PFKP: variants seen among roughly 807,000 people sequenced by gnomAD.
PFKP encodes the protein phosphofructokinase, platelet.
Under a neutral mutation model 94.3 loss-of-function variants are expected in PFKP, and 101 were observed. The ratio of observed to expected loss-of-function variants is 1.07; its 90% CI spans 0.91 to 1.26. The LOEUF is 1.26. PFKP is among the 50% of genes most tolerant of loss of function. The pLI is 0.00. For synonymous variants in PFKP, 573 were observed against 432.6 expected (o/e 1.32, Z -4.03); for missense variants, 1,145 against 1,103.3 (o/e 1.04, Z -0.53).
At chr10:3,116,750 TGTTTC>T (rs764838981) in intron 13 of PFKP, 21 bp from the exon 14 acceptor site, 1 of 1,581,624 alleles carries the variant, frequency 6.3e-7, no homozygotes, top group Non-Finnish European at 8.7e-7. Context: ...TCACTTTAGC[TGTTTC>T]GTTCTGTGTT....
intron 4 of PFKP, among the ~76,000 whole-genome samples, chr10:3,102,263 A>C (rs1364378571): frequency 6.8e-6 from 1 of 146,836 alleles, no homozygotes; most frequent in Non-Finnish European, 1.5e-5. Flanking sequence ...AAAAAAAAAA[A>C]AAAAAAAAAA....
chr10:3,125,134 G>A (rs1283581611), intron 16 of PFKP: 2 of 1,335,552 alleles, frequency 1.5e-6, no homozygotes, highest in Non-Finnish European at 2.0e-6. Flanking sequence ...GAGGCACGAG[G>A]CCGCCACCAG....
intron 1 of PFKP, chr10:3,069,498 A>T: frequency 1.0e-6 from 1 of 974,134 alleles, no homozygotes; most frequent in Non-Finnish European, 1.5e-6. Context: ...GGGCCGCGAA[A>T]GACAAGAAAC....
In PFKP at chr10:3,136,781, A is replaced by C. The variant is rs1839430775; in HGVS notation, c.*202A>C. 1 of 486,790 alleles carries C rather than the reference A, an allele frequency of 2.1e-6. No homozygotes were observed. Among genetic ancestry groups the C allele is most frequent in the African/African-American group, 2.0e-5 (1 of 50,996 alleles). The allele number at this position is 486,790 out of a possible 1,614,324, so 30.2% of individuals were successfully genotyped here. On this transcript the variant is annotated 3_prime_UTR_variant, in exon 22 of 22. Coordinates refer to ENST00000381125, the MANE Select transcript of PFKP (RefSeq NM_002627.5). Reference sequence around the variant, plus strand: ...GATGTGCATATGAGCAGAATTAATTAAACATTTGCCTATGACTCCAACAGT... The same window carrying C: ...GATGTGCATATGAGCAGAATTAATTCAACATTTGCCTATGACTCCAACAGT...
chr10:3,135,700 CAG>C (rs1271297375), intron 20 of PFKP, 34 bp from the exon 21 acceptor site: 1 of 1,290,614 alleles, frequency 7.7e-7, no homozygotes, highest in South Asian at 1.2e-5. Context: ...CCCATGTTGA[CAG>C]GGTGTTATTA....
chr10:3,130,056 C>G (rs560937209), intron 17 of PFKP, 73 bp downstream of exon 17: 1 of 1,400,964 alleles, frequency 7.1e-7, no homozygotes, highest in African/African-American at 1.4e-5. Flanking sequence ...ATCATCGTGT[C>G]TAGGGTGGTT....
At chr10:3,112,945 CG>C (rs1836400973) in intron 11 of PFKP, among the ~76,000 whole-genome samples, 173 bp from the exon 12 acceptor site, 1 of 152,232 alleles carries the variant, frequency 6.6e-6, no homozygotes, top group Non-Finnish European at 1.5e-5. Context: ...GACAGCACCG[CG>C]GGTCGCGGCT....
At position 3,106,421 on chromosome 10, in the gene PFKP, C is replaced by T. The variant is rs144185390; in HGVS notation, c.775-793C>T. ...GGCAGAAAGCATGGCGTGCACGGGGCGCCTGTGGGGCGTCCACCTGTGTGT... is the reference window on the plus strand; with the variant it reads ...GGCAGAAAGCATGGCGTGCACGGGGTGCCTGTGGGGCGTCCACCTGTGTGT... On this transcript the variant is annotated intron_variant, in intron 7 of 21. Coordinates refer to ENST00000381125, the MANE Select transcript of PFKP (RefSeq NM_002627.5). Among the ~76,000 whole-genome samples the T allele has an allele frequency of 6.4e-3, 912 of 143,600 alleles. 21 individuals are homozygous for T. The highest frequency in any genetic ancestry group is 0.023 in the African/African-American group (868 of 38,496). 94.2% of individuals were successfully genotyped at this position (143,600 alleles called of 152,430 possible). A position where few individuals can be genotyped will look rare whatever the true frequency, so the allele number is the denominator to read the frequency against.
At chr10:3,088,278 G>C (rs11251708) in intron 2 of PFKP, among the ~76,000 whole-genome samples, 1 of 151,792 alleles carries the variant, frequency 6.6e-6, no homozygotes, top group African/African-American at 2.4e-5. Context: ...AGTTTGCTGA[G>C]AATAATGGTT....
intron 13 of PFKP, among the ~76,000 whole-genome samples, chr10:3,114,536 T>C (rs1257842196): frequency 1.3e-5 from 2 of 152,218 alleles, no homozygotes; most frequent in Admixed American, 6.5e-5. Flanking sequence ...ACTGCGTTTA[T>C]AGATGGGGAG....
At chr10:3,072,000 C>G (rs1332930068) in intron 1 of PFKP, among the ~76,000 whole-genome samples, 2 of 152,194 alleles carry the variant, frequency 1.3e-5, no homozygotes, top group Non-Finnish European at 2.9e-5. Context: ...CAGGGCTGCG[C>G]GTACCTGCGT....
At chr10:3,108,874 C>T (rs1322183046) in intron 9 of PFKP, 81 bp downstream of exon 9, 1 of 1,015,468 alleles carries the variant, frequency 9.8e-7, no homozygotes. Flanking sequence ...CAGCCGGCCA[C>T]AGAGGCTGGC....
rs199704637 is a variant in PFKP at position 3,136,629 on chromosome 10, G to A, written c.*50G>A. The A allele has an allele frequency of 2.3e-4, 367 of 1,590,328 alleles. No homozygotes were observed. Among genetic ancestry groups the A allele is most frequent in the Non-Finnish European group, 3.0e-4 (346 of 1,163,504 alleles). On this transcript the variant is annotated 3_prime_UTR_variant, in exon 22 of 22. Coordinates refer to ENST00000381125, the MANE Select transcript of PFKP (RefSeq NM_002627.5). ...CAGCCACCGTGGACTGTCTGTTTTT[G>A]TAACACTTAAGTTATTTTATCAGCA...
At chr10:3,100,597 C>T (rs1264281960) in intron 3 of PFKP, among the ~76,000 whole-genome samples, 1 of 152,164 alleles carries the variant, frequency 6.6e-6, no homozygotes, top group Non-Finnish European at 1.5e-5. Flanking sequence ...GCTTCGCCTC[C>T]AGTGCAGAGA....
Position 3,136,661 on chromosome 10 carries a change from GCAC to G in PFKP, c.*83_*85del. 7 of 1,476,398 alleles carry G rather than the reference GCAC, an allele frequency of 4.7e-6. No homozygotes were observed. Among genetic ancestry groups the G allele is most frequent in the South Asian group, 2.4e-5 (2 of 82,534 alleles). 91.5% of individuals were successfully genotyped at this position (1,476,398 alleles called of 1,614,324 possible). The stretch of plus-strand genomic sequence containing the variant: ...TTAAGTTATTTTATCAGCACTTTAT[GCAC>G]GTATTATTGACATTAATACCTAATC... On this transcript the variant is annotated 3_prime_UTR_variant, in exon 22 of 22. Transcript: ENST00000381125.
intron 21 of PFKP, among the ~76,000 whole-genome samples, chr10:3,136,053 C>T (rs144064066): frequency 6.6e-6 from 1 of 152,126 alleles, no homozygotes; most frequent in Non-Finnish European, 1.5e-5. Flanking sequence ...ATCACAAGGT[C>T]AAGAGATCGA....
Position 3,101,573 on chromosome 10 carries a change from C to T in PFKP, c.454+19C>T. On this transcript the variant is annotated intron_variant, in intron 4 of 21. Coordinates refer to ENST00000381125, the MANE Select transcript of PFKP (RefSeq NM_002627.5). Reference sequence around the variant, plus strand: ...AGGAACGGTGAGTGGACACCTGCTCCTCTGTCCTGCGGGTTTTCGCCCTGT... The same window carrying T: ...AGGAACGGTGAGTGGACACCTGCTCTTCTGTCCTGCGGGTTTTCGCCCTGT... The T allele has an allele frequency of 6.7e-6, 10 of 1,492,542 alleles. No homozygotes were observed. Among genetic ancestry groups the T allele is most frequent in the Non-Finnish European group, 8.9e-6 (10 of 1,119,174 alleles). 92.5% of individuals were successfully genotyped at this position (1,492,542 alleles called of 1,614,324 possible). A position where few individuals can be genotyped will look rare whatever the true frequency, so the allele number is the denominator to read the frequency against.
At chr10:3,135,047 T>C (rs114962840) in intron 20 of PFKP, among the ~76,000 whole-genome samples, 2,994 of 152,320 alleles carry the variant, frequency 0.02, 106 homozygotes, top group African/African-American at 0.068. Context: ...CTTAAATCAG[T>C]TCTGTAAGTT....
At chr10:3,089,484 T>TGG (rs1191703367) in intron 2 of PFKP, among the ~76,000 whole-genome samples, 1 of 152,032 alleles carries the variant, frequency 6.6e-6, no homozygotes, top group East Asian at 1.9e-4. Flanking sequence ...TGCTGGCTTG[T>TGG]GGGGGAGTTC....
Sources: gnomAD v4.1 joint callset for allele counts (sites outside exome capture counted in the v4.1 genomes callset) on GRCh38, gnomAD v4.1.1 for gene constraint, MANE v1.5 for transcripts, NCBI Gene and HGNC (gene_info 2026-07-23, HGNC 2026-07-21) for gene names.